Variants in CNOT6 observed in about 807,000 individuals in gnomAD.
CNOT6 encodes carbon catabolite repression 4 protein.
A neutral mutation model predicts 61.2 loss-of-function variants in CNOT6; 12 were observed. The observed-to-expected ratio is 0.20, with a 90% confidence interval of 0.13 to 0.32. CNOT6 has a LOEUF of 0.32. Ranked by LOEUF, CNOT6 falls within the 10% of genes least tolerant of loss-of-function variation. CNOT6 has a pLI of 1.00. For missense variants in CNOT6, 405 were observed against 663.9 expected, an observed-to-expected ratio of 0.61 and a Z score of 4.28; for synonymous variants, 225 against 240.6, an observed-to-expected ratio of 0.94 and a Z score of 0.60.
intron 4 of CNOT6, among the ~76,000 whole-genome samples, chr5:180,555,964 A>G (rs1759865488): frequency 6.6e-6 from 1 of 152,140 alleles, no homozygotes; most frequent in South Asian, 2.1e-4. Context: ...CAGGACTGTG[A>G]CCTTAGGTGC....
At chr5:180,555,110 AATT>A (rs1313407918) in intron 4 of CNOT6, among the ~76,000 whole-genome samples, 1 of 151,498 alleles carries the variant, frequency 6.6e-6, no homozygotes, top group Non-Finnish European at 1.5e-5. Context: ...TGGTTGAAGC[AATT>A]CTTCTGCTTC....
chr5:180,552,159 G>A (rs903694726), intron 3 of CNOT6, among the ~76,000 whole-genome samples: 1 of 150,100 alleles, frequency 6.7e-6, no homozygotes, highest in Non-Finnish European at 1.5e-5. Flanking sequence ...GTGAGCCACC[G>A]TGCCCAGCCC....
chr5:180,569,310 T>C lies in CNOT6; in HGVS notation c.1228T>C (p.Cys410Arg). The change falls in exon 10 of 12, where the codon TGT (cysteine) becomes CGT (arginine). Residue 410 changes from cysteine to arginine, a missense_variant. Around this residue, in one of 5 missense-constraint regions of CNOT6, gnomAD observed 116 missense variants for 184.6 expected, o/e 0.63. Coordinates refer to ENST00000261951, the MANE Select transcript of CNOT6 (RefSeq NM_001370472.1). ...ATTTGGAACTATTCCACTTGTGTTA[T>C]GTGCAGATCTTAATTCTTTGCCAGA... ...GEFGTIPLVL[C>R]ADLNSLPDSG... 1.2e-6 allele frequency: 2 copies of C among 1,613,142 alleles called. No homozygotes were observed. The highest frequency in any genetic ancestry group is 1.7e-6 in the Non-Finnish European group (2 of 1,179,190).
intron 4 of CNOT6, among the ~76,000 whole-genome samples, chr5:180,558,671 A>G (rs1268299884): frequency 6.7e-6 from 1 of 148,738 alleles, no homozygotes; most frequent in Non-Finnish European, 1.5e-5. Flanking sequence ...TATTGAATTG[A>G]GGCTTCTGTC....
rs1760912969 is a variant in CNOT6 at position 180,574,271 on chromosome 5, T to C, written c.*71T>C. On this transcript the variant is annotated 3_prime_UTR_variant, in exon 12 of 12. Transcript: ENST00000261951. ...AAAATCTGAACATAGGGGAGTGAGG[T>C]ATGGCCACTGAGGATTTTTGCTTGC... The C allele has an allele frequency of 8.0e-7, 1 of 1,255,116 alleles. No individual in the cohort carries two copies. Among genetic ancestry groups the C allele is most frequent in the African/African-American group, 1.5e-5 (1 of 67,674 alleles). The allele number at this position is 1,255,116 out of a possible 1,614,324, so 77.7% of individuals were successfully genotyped here.
chr5:180,540,144 G>A (rs1758958502), intron 2 of CNOT6, among the ~76,000 whole-genome samples: 2 of 151,854 alleles, frequency 1.3e-5, no homozygotes, highest in Admixed American at 6.6e-5. Flanking sequence ...GGTCAGTTCC[G>A]AGGGTCCCTG....
At chr5:180,561,657 T>A (rs960445908) in intron 4 of CNOT6, among the ~76,000 whole-genome samples, 1 of 152,234 alleles carries the variant, frequency 6.6e-6, no homozygotes, top group African/African-American at 2.4e-5. Flanking sequence ...CACTGTCTCC[T>A]TACTGCCAGT....
At chr5:180,564,631 A>G (rs767268671) in intron 5 of CNOT6, 38 bp downstream of exon 5, 2 of 1,607,242 alleles carry the variant, frequency 1.2e-6, no homozygotes, top group Non-Finnish European at 1.7e-6. Flanking sequence ...TATTAGGAAG[A>G]CGTGTAAGAA....
At chr5:180,549,309 TTACTA>T (rs1382848089) in intron 2 of CNOT6, among the ~76,000 whole-genome samples, 2 of 152,212 alleles carry the variant, frequency 1.3e-5, no homozygotes, top group Non-Finnish European at 2.9e-5. Context: ...GGATTTATCA[TTACTA>T]TAAATTAATC....
chr5:180,505,687 A>C lies in CNOT6; in HGVS notation c.-3+10924A>C, dbSNP rs370580480. Among the ~76,000 whole-genome samples, 1,353 of 151,608 alleles carry C rather than the reference A, an allele frequency of 8.9e-3. 20 individuals carry two copies. The highest frequency in any genetic ancestry group is 0.076 in the South Asian group (366 of 4,786). On this transcript the variant is annotated intron_variant, in intron 1 of 11. Transcript: ENST00000261951. Reference sequence around the variant, plus strand: ...CTCAGCCTCCCGCGTAGCTGGGACTACAGGCACCCACCACCACGCCCGGCT... The same window carrying C: ...CTCAGCCTCCCGCGTAGCTGGGACTCCAGGCACCCACCACCACGCCCGGCT...
intron 2 of CNOT6, among the ~76,000 whole-genome samples, chr5:180,530,294 A>G (rs1287693584): frequency 1.3e-5 from 2 of 152,266 alleles, no homozygotes; most frequent in African/African-American, 4.8e-5. Flanking sequence ...TGGAAGATCT[A>G]TAAAGTCCCG....
At chr5:180,538,522 C>T (rs1326529820) in intron 2 of CNOT6, among the ~76,000 whole-genome samples, 1 of 150,844 alleles carries the variant, frequency 6.6e-6, no homozygotes, top group Non-Finnish European at 1.5e-5. Flanking sequence ...TCCGTCTCTA[C>T]TAAAATACAA....
intron 1 of CNOT6, among the ~76,000 whole-genome samples, chr5:180,520,991 C>T (rs867416724): frequency 7.9e-5 from 12 of 151,900 alleles, no homozygotes; most frequent in African/African-American, 2.4e-4. Context: ...ACTATGGGCA[C>T]CCGCCACCAC....
intron 2 of CNOT6, among the ~76,000 whole-genome samples, chr5:180,549,518 C>T (rs934613245): frequency 5.3e-5 from 8 of 151,966 alleles, no homozygotes; most frequent in Non-Finnish European, 8.8e-5. Flanking sequence ...GGCATGGTGG[C>T]GGGTGCCTGT....
At position 180,575,100 on chromosome 5, in the gene CNOT6, T is replaced by G. The variant is rs1760947255; in HGVS notation, c.*900T>G. The G allele has an allele frequency of 6.6e-6, 1 of 152,662 alleles. No individual in the cohort carries two copies. Among genetic ancestry groups the G allele is most frequent in the Non-Finnish European group, 1.5e-5 (1 of 68,034 alleles). The allele number at this position is 152,662 out of a possible 1,614,324, so 9.5% of individuals were successfully genotyped here. On this transcript the variant is annotated 3_prime_UTR_variant, in exon 12 of 12. Transcript: ENST00000261951. ...CTACAGCTGCTTAGGTCCAGCTTCTTAACTCTTTTTGAGACACTTCCTGTC... is the reference window on the plus strand; with the variant it reads ...CTACAGCTGCTTAGGTCCAGCTTCTGAACTCTTTTTGAGACACTTCCTGTC...
intron 2 of CNOT6, among the ~76,000 whole-genome samples, chr5:180,542,060 A>G (rs904594987): frequency 4.6e-5 from 7 of 152,094 alleles, no homozygotes; most frequent in Non-Finnish European, 1.0e-4. Context: ...TGTTTCTGAG[A>G]AAAGGTCATT....
At chr5:180,535,189 A>C (rs1758619581) in intron 2 of CNOT6, among the ~76,000 whole-genome samples, 1 of 152,276 alleles carries the variant, frequency 6.6e-6, no homozygotes, top group South Asian at 2.1e-4. Context: ...CGTCTGGGGC[A>C]GAGGGAGTCA....
At chr5:180,562,450 A>C (rs944885849) in intron 4 of CNOT6, among the ~76,000 whole-genome samples, 7 of 152,186 alleles carry the variant, frequency 4.6e-5, no homozygotes, top group African/African-American at 1.7e-4. Flanking sequence ...TCAATTTAAA[A>C]GAAGTCCTGG....
intron 1 of CNOT6, 53 bp from the exon 2 acceptor site, chr5:180,529,222 G>A (rs1758237409): frequency 4.3e-6 from 4 of 936,134 alleles, no homozygotes; most frequent in Non-Finnish European, 5.0e-6. Context: ...AAGGTGTTGT[G>A]GCTTTTGTTT....
Sources: gnomAD v4.1 joint callset for allele counts (sites outside exome capture counted in the v4.1 genomes callset) on GRCh38, gnomAD v4.1.1 for gene constraint, gnomAD v4.1.1 regional missense constraint, MANE v1.5 for transcripts, NCBI Gene and HGNC (gene_info 2026-07-23, HGNC 2026-07-21) for gene names.